VPS13D: variants seen among roughly 807,000 people sequenced by gnomAD.
The protein encoded by VPS13D is vacuolar protein sorting 13 homolog D, also known as intermembrane lipid transfer protein VPS13D.
Under a neutral mutation model 461.9 loss-of-function variants are expected in VPS13D, and 187 were observed. The ratio of observed to expected loss-of-function variants is 0.40; its 90% CI spans 0.36 to 0.46. The LOEUF (loss-of-function observed/expected upper bound fraction) is 0.46, where lower values mean the gene tolerates loss of function less well. Among genes scored for constraint, VPS13D ranks in the 20% least tolerant of loss-of-function variants. The pLI is 0.60. For synonymous variants in VPS13D, 1,951 were observed against 1,986.3 expected, an observed-to-expected ratio of 0.98 and a Z score of 0.47; for missense variants, 4,711 against 5,364.9, an observed-to-expected ratio of 0.88 and a Z score of 3.81.
chr1:12,340,868 A>G (rs1643554095), intron 40 of VPS13D, among the ~76,000 whole-genome samples: 1 of 152,158 alleles, frequency 6.6e-6, no homozygotes, highest in Admixed American at 6.6e-5. Context: ...TTGTGTGGCC[A>G]GTGGAGGAGA....
intron 60 of VPS13D, among the ~76,000 whole-genome samples, chr1:12,397,824 C>T (rs1644519699): frequency 6.6e-6 from 1 of 152,154 alleles, no homozygotes; most frequent in Non-Finnish European, 1.5e-5. Context: ...ATAGAATGAG[C>T]AAACCATAGA....
At chr1:12,346,346 C>G (rs78861416) in intron 43 of VPS13D, among the ~76,000 whole-genome samples, 2 of 152,136 alleles carry the variant, frequency 1.3e-5, no homozygotes, top group Non-Finnish European at 2.9e-5. Flanking sequence ...CTAGTAATGA[C>G]AGGACCAGTT....
intron 1 of VPS13D, among the ~76,000 whole-genome samples, chr1:12,233,555 G>A (rs61774895): frequency 0.084 from 12,808 of 152,152 alleles, 724 homozygotes; most frequent in Non-Finnish European, 0.12. Context: ...CTCTGATCAC[G>A]GCAGTCTAAT....
intron 7 of VPS13D, among the ~76,000 whole-genome samples, chr1:12,255,526 T>A (rs1640891938): frequency 6.6e-6 from 1 of 152,020 alleles, no homozygotes; most frequent in Non-Finnish European, 1.5e-5. Context: ...GGCTGGGGGA[T>A]GAGACTAGGA....
chr1:12,270,926 G>C, intron 16 of VPS13D, 68 bp from the exon 17 acceptor site: 1 of 1,567,898 alleles, frequency 6.4e-7, no homozygotes, highest in Non-Finnish European at 8.7e-7. Context: ...GGTGAGAATT[G>C]ATGTAGCACT....
intron 64 of VPS13D, 45 bp from the exon 65 acceptor site, chr1:12,416,615 A>C: frequency 6.3e-7 from 1 of 1,583,744 alleles, no homozygotes; most frequent in African/African-American, 1.4e-5. Context: ...CTGCAAATAT[A>C]AGTAGATGCT....
intron 65 of VPS13D, among the ~76,000 whole-genome samples, chr1:12,445,147 C>T (rs1302539797): frequency 6.6e-6 from 1 of 152,182 alleles, no homozygotes; most frequent in Non-Finnish European, 1.5e-5. Context: ...TCAGCTTCAA[C>T]CCCTGGAGTC....
intron 37 of VPS13D, among the ~76,000 whole-genome samples, chr1:12,330,365 A>C (rs1484537562): frequency 1.3e-5 from 2 of 152,086 alleles, no homozygotes; most frequent in Non-Finnish European, 1.5e-5. Context: ...CAGTGAGCTG[A>C]GATCACACCA....
In VPS13D at chr1:12,373,799, T is replaced by A. The variant is rs775690902; in HGVS notation, c.10858T>A (p.Cys3620Ser). 1 of 1,600,954 alleles carries A rather than the reference T, an allele frequency of 6.2e-7. No individual in the cohort carries two copies. The highest frequency in any genetic ancestry group is 8.5e-7 in the Non-Finnish European group (1 of 1,173,988). The change falls in exon 55 of 70, where the codon TGT becomes AGT. Residue 3620 changes from cysteine (C) to serine (S), a missense_variant. By Grantham distance (112) the Cys-to-Ser change is moderately radical. This residue lies in a region of VPS13D where 4,411 missense variants were observed against 4,937.8 expected (regional missense o/e 0.89). Transcript: ENST00000620676. ...TGTGGCTTCCAACAAGGCCATTACC[T>A]GTGCGGAGCTCGTTTTGGATGTCTC... ...RPVASNKAIT[C>S]AELVLDVSPK...
intron 60 of VPS13D, among the ~76,000 whole-genome samples, chr1:12,388,466 C>T (rs1476987408): frequency 2.6e-5 from 4 of 151,368 alleles, no homozygotes; most frequent in Admixed American, 6.6e-5. Context: ...CCCAGTTACT[C>T]GGGAGGCTGA....
chr1:12,368,404 A>G, intron 52 of VPS13D, 64 bp from the exon 53 acceptor site: 1 of 1,530,698 alleles, frequency 6.5e-7, no homozygotes, highest in African/African-American at 1.4e-5. Flanking sequence ...AAATATGAGA[A>G]GTAAGTGGAT....
chr1:12,393,953 G>A (rs543764077), intron 60 of VPS13D, among the ~76,000 whole-genome samples: 1 of 152,262 alleles, frequency 6.6e-6, no homozygotes, highest in South Asian at 2.1e-4. Context: ...TAACTGGAGG[G>A]CAACAATGAC....
Position 12,293,528 on chromosome 1 carries a change from G to A in VPS13D, c.5857G>A (p.Gly1953Arg), listed in dbSNP as rs1406457317. Residue 1953 changes from glycine (G) to arginine (R), a missense_variant, in exon 24 of 70, where the codon GGA (glycine) becomes AGA (arginine). Gly to Arg is a moderately radical substitution (Grantham distance 125). Transcript: ENST00000620676. ...EALIFQTFKYGRPDPLLRREH... is the reference protein window; with the variant it reads ...EALIFQTFKYRRPDPLLRREH... ...CACTTTTATCCTAATTTTTAGATACGGACGGCCTGACCCTCTGCTCCGGAG... is the reference window on the plus strand; with the variant it reads ...CACTTTTATCCTAATTTTTAGATACAGACGGCCTGACCCTCTGCTCCGGAG... 10 of 1,597,766 alleles carry A rather than the reference G, an allele frequency of 6.3e-6. No homozygotes were observed. The highest frequency in any genetic ancestry group is 2.7e-5 in the African/African-American group (2 of 74,164).
At position 12,416,814 on chromosome 1, in the gene VPS13D, ACT is replaced by A. The variant is rs747064653; in HGVS notation, c.12323_12324del (p.Ser4108CysfsTer36). The A allele has an allele frequency of 1.2e-6, 2 of 1,611,892 alleles. No individual in the cohort carries two copies. The highest frequency in any genetic ancestry group is 1.3e-5 in the African/African-American group (1 of 74,780). On this transcript the variant is annotated frameshift_variant, in exon 65 of 70. Transcript: ENST00000620676. LOFTEE classifies it high-confidence loss of function. ...AGAAATGTTACACACGGAGTATCAA[ACT>A]CTGCTGCCAAGGTAAGGAAATAGAG...
intron 15 of VPS13D, 106 bp downstream of exon 15, chr1:12,268,026 A>G (rs1641325369): frequency 1.1e-6 from 1 of 923,338 alleles, no homozygotes; most frequent in Non-Finnish European, 1.6e-6. Context: ...CAGTGGTGTG[A>G]TCTTGGCTCA....
intron 67 of VPS13D, among the ~76,000 whole-genome samples, chr1:12,470,126 C>T (rs559043799): frequency 2.4e-4 from 37 of 152,278 alleles, no homozygotes; most frequent in African/African-American, 8.2e-4. Flanking sequence ...CTTCAAACAT[C>T]GATAATGGCA....
At position 12,341,802 on chromosome 1, in the gene VPS13D, C is replaced by T. The variant is rs1190676746; in HGVS notation, c.8649C>T (p.Arg2883=). 6.8e-6 allele frequency: 11 copies of T among 1,613,828 alleles called. No individual in the cohort carries two copies. Among genetic ancestry groups the T allele is most frequent in the Non-Finnish European group, 8.5e-6 (10 of 1,179,954 alleles). The part of the protein sequence containing the change: ...YARAEVKTPK[R]RQPFVPFALR... ...TAGCAGAGGTGAAAACCCCCAAGCGCCGGCAGCCATTTGTCCCCTTTGCTC... is the reference window on the plus strand; with the variant it reads ...TAGCAGAGGTGAAAACCCCCAAGCGTCGGCAGCCATTTGTCCCCTTTGCTC... The change falls in exon 41 of 70, where the codon CGC becomes CGT. Residue 2883 remains arginine, a synonymous_variant. Coordinates refer to ENST00000620676, the MANE Select transcript of VPS13D (RefSeq NM_015378.4).
chr1:12,356,901 T>G (rs982018142), intron 49 of VPS13D, among the ~76,000 whole-genome samples: 1 of 152,246 alleles, frequency 6.6e-6, no homozygotes, highest in Non-Finnish European at 1.5e-5. Context: ...AGGCTGGTTC[T>G]TTGGTGAAGC....
chr1:12,256,188 A>C, intron 7 of VPS13D, 145 bp from the exon 8 acceptor site: 1 of 922,034 alleles, frequency 1.1e-6, no homozygotes, highest in Non-Finnish European at 1.6e-6. Flanking sequence ...AAAATGAATA[A>C]AAACAAAACA....
Sources: allele counts gnomAD v4.1 joint callset (sites outside exome capture counted in the v4.1 genomes callset), GRCh38; gene constraint gnomAD v4.1.1; regional missense constraint gnomAD v4.1.1; transcripts MANE v1.5; gene names NCBI Gene and HGNC (gene_info 2026-07-23, HGNC 2026-07-21).